NOX4: variants seen among roughly 807,000 people sequenced by gnomAD.
NOX4 encodes the protein kidney oxidase-1.
NOX4 carries 69 observed loss-of-function variants against 87.6 expected under a neutral mutation model. The observed-to-expected ratio is 0.79, with a 90% CI of 0.65 to 0.96. NOX4 has a LOEUF of 0.96. Among genes scored for constraint, NOX4 ranks in the 40% least tolerant of loss-of-function variants. NOX4 has a pLI of 0.00. For missense variants in NOX4, 680 were observed against 681.5 expected (o/e 1.00, Z 0.02); for synonymous variants, 275 against 238.2 (o/e 1.15, Z -1.42).
At chr11:89,390,377 T>A (rs576502171) in intron 11 of NOX4, among the ~76,000 whole-genome samples, 1 of 152,210 alleles carries the variant, frequency 6.6e-6, no homozygotes, top group African/African-American at 2.4e-5. Flanking sequence ...TAAGCCTACA[T>A]GATAAACAGA....
intron 2 of NOX4, among the ~76,000 whole-genome samples, chr11:89,466,284 A>G (rs1029110030): frequency 4.6e-5 from 7 of 152,234 alleles, no homozygotes; most frequent in African/African-American, 1.7e-4. Flanking sequence ...TACCAAGCAC[A>G]TGGTTATTTT....
Position 89,473,410 on chromosome 11 carries a change from C to T in NOX4, c.153+17048G>A, listed in dbSNP as rs527765061. Among the ~76,000 whole-genome samples the T allele has an allele frequency of 6.6e-5, 10 of 151,052 alleles. No individual in the cohort carries two copies. The South Asian group carries it at 2.1e-3, about 32-fold the overall frequency. ...TATCTTTAAACCATTTTTAATTTTT[C>T]AACATTCCTCTGAAAATTAGAAGCC... On this transcript the variant is annotated intron_variant, in intron 2 of 17. Transcript: ENST00000263317.
intron 11 of NOX4, among the ~76,000 whole-genome samples, chr11:89,376,028 G>A (rs1479845651): frequency 1.3e-5 from 2 of 152,182 alleles, no homozygotes; most frequent in Non-Finnish European, 2.9e-5. Flanking sequence ...ACTGTAAAAG[G>A]TAATTACACA....
At chr11:89,374,651 A>AAGT (rs1210646231) in intron 11 of NOX4, among the ~76,000 whole-genome samples, 1 of 152,236 alleles carries the variant, frequency 6.6e-6, no homozygotes, top group African/African-American at 2.4e-5. Context: ...ATTCTTAATT[A>AAGT]TTGCAGGTCA....
At chr11:89,403,557 G>A (rs317130) in intron 8 of NOX4, among the ~76,000 whole-genome samples, 1 of 151,776 alleles carries the variant, frequency 6.6e-6, no homozygotes, top group African/African-American at 2.4e-5. Flanking sequence ...CTGACCAACA[G>A]GGAGAAGCCC....
the NOX4 span, among the ~76,000 whole-genome samples, chr11:89,539,226 G>A: frequency 6.6e-6 from 1 of 152,118 alleles, no homozygotes; most frequent in Admixed American, 6.5e-5. Flanking sequence ...GAGGTCAGGA[G>A]ATCGAGACGA....
rs184786609 is a variant in NOX4, at chr11:89,465,064, C to T, written c.154-13169G>A. ...TGTAGGTTTTTTACATAGGTATACA[C>T]GTACCATGGTGGTTTGCTGCACCCA... On this transcript the variant is annotated intron_variant, in intron 2 of 17. Coordinates refer to ENST00000263317, the MANE Select transcript of NOX4 (RefSeq NM_016931.5). 5.3e-5 allele frequency among the ~76,000 whole-genome samples: 8 copies of T among 152,212 alleles called. No homozygotes were observed. In the East Asian group the frequency reaches 5.8e-4, roughly 11 times the overall value.
intron 2 of NOX4, among the ~76,000 whole-genome samples, chr11:89,487,849 T>C (rs917094517): frequency 3.3e-5 from 5 of 152,216 alleles, no homozygotes; most frequent in Non-Finnish European, 5.9e-5. Context: ...TGCAAATTGT[T>C]ACTCTATGAA....
At chr11:89,361,981 A>C (rs1334885295) in intron 12 of NOX4, among the ~76,000 whole-genome samples, 10 of 152,078 alleles carry the variant, frequency 6.6e-5, no homozygotes, top group Admixed American at 6.6e-5. Context: ...TTGACTGAAC[A>C]AGGCAAGGAT....
At chr11:89,444,516 A>C (rs1944601763) in intron 4 of NOX4, among the ~76,000 whole-genome samples, 1 of 115,374 alleles carries the variant, frequency 8.7e-6, no homozygotes, top group African/African-American at 4.0e-5. Context: ...TCCTCCCCCT[A>C]ACACACATAC....
intron 8 of NOX4, among the ~76,000 whole-genome samples, chr11:89,413,210 C>T (rs1413360464): frequency 6.6e-6 from 1 of 152,064 alleles, no homozygotes; most frequent in Non-Finnish European, 1.5e-5. Flanking sequence ...AAAGGGAACC[C>T]TCATATACAC....
chr11:89,576,436 TA>T, the NOX4 span, among the ~76,000 whole-genome samples: 23 of 152,228 alleles, frequency 1.5e-4, no homozygotes, highest in Non-Finnish European at 2.5e-4. Flanking sequence ...TCTGTGTCTT[TA>T]AACTTGAGAA....
chr11:89,495,571 A>G (rs751377519), upstream of NOX4, among the ~76,000 whole-genome samples: 3 of 152,202 alleles, frequency 2.0e-5, no homozygotes, highest in Non-Finnish European at 4.4e-5. Context: ...GTAACTTTAC[A>G]AGTTCCTGAG....
In NOX4 at chr11:89,361,461, T is replaced by C. The variant is rs113942526; in HGVS notation, c.1136-6418A>G. On this transcript the variant is annotated intron_variant, in intron 12 of 17. Coordinates refer to ENST00000263317, the MANE Select transcript of NOX4 (RefSeq NM_016931.5). ...AATTTTAAGAACTCTGGAGCGGGAA[T>C]GTTAGAAGTCGGGTGAGGGATAAAA... 3.8e-3 allele frequency among the ~76,000 whole-genome samples: 577 copies of C among 152,108 alleles called. 4 individuals are homozygous for C. The highest frequency in any genetic ancestry group is 0.013 in the African/African-American group (544 of 41,526).
At chr11:89,547,490 T>TGTA in the NOX4 span, among the ~76,000 whole-genome samples, 2 of 152,196 alleles carry the variant, frequency 1.3e-5, no homozygotes, top group African/African-American at 2.4e-5. Context: ...CTCTTCAAAG[T>TGTA]GTAGTCCCTG....
chr11:89,434,214 G>A lies in NOX4; in HGVS notation c.476-1358C>T, dbSNP rs370439086. ...TTAGGATTCCAGAGTTAGAATCACTGGAAAATAACAGCATTCGAAATCTCA... is the reference window on the plus strand; with the variant it reads ...TTAGGATTCCAGAGTTAGAATCACTAGAAAATAACAGCATTCGAAATCTCA... On this transcript the variant is annotated intron_variant, in intron 6 of 17. Coordinates refer to ENST00000263317, the MANE Select transcript of NOX4 (RefSeq NM_016931.5). Among the ~76,000 whole-genome samples the A allele has an allele frequency of 1.9e-4, 29 of 152,126 alleles. No homozygotes were observed. The East Asian group carries it at 3.5e-3, about 18-fold the overall frequency.
intron 7 of NOX4, among the ~76,000 whole-genome samples, chr11:89,427,115 C>G (rs1006423487): frequency 6.6e-6 from 1 of 152,218 alleles, no homozygotes; most frequent in Non-Finnish European, 1.5e-5. Context: ...CAAACAGCAT[C>G]TGGAGTGGAC....
chr11:89,455,027 G>T (rs894483402), intron 2 of NOX4, among the ~76,000 whole-genome samples: 1 of 152,010 alleles, frequency 6.6e-6, no homozygotes, highest in East Asian at 1.9e-4. Context: ...ATTAAATTGA[G>T]AGACATGAGA....
intron 6 of NOX4, among the ~76,000 whole-genome samples, chr11:89,434,511 C>T (rs1044886616): frequency 6.6e-6 from 1 of 151,924 alleles, no homozygotes; most frequent in Non-Finnish European, 1.5e-5. Context: ...GGTAAGATAA[C>T]TAGTCTAGTT....
Sources: gnomAD v4.1 joint callset for allele counts (sites outside exome capture counted in the v4.1 genomes callset) on GRCh38, gnomAD v4.1.1 for gene constraint, MANE v1.5 for transcripts, NCBI Gene and HGNC (gene_info 2026-07-23, HGNC 2026-07-21) for gene names.